NXPE3: variants seen among roughly 807,000 people sequenced by gnomAD.
The protein encoded by NXPE3 is NXPE family member 3.
Under a neutral mutation model 46.1 loss-of-function variants are expected in NXPE3, and 26 were observed. That is an observed-to-expected ratio of 0.56 (90% CI 0.41 to 0.78). The LOEUF is 0.78. NXPE3 is among the 30% of genes least tolerant of loss of function. NXPE3 has a pLI of 0.00. For missense variants in NXPE3, 620 were observed against 686.0 expected (o/e 0.90, Z 1.07); for synonymous variants, 272 against 257.9 (o/e 1.05, Z -0.52).
chr3:101,781,594 G>A (rs1469897167), intron 1 of NXPE3: 2 of 152,192 alleles, frequency 1.3e-5, no homozygotes, highest in Non-Finnish European at 2.9e-5. Flanking sequence ...CACATGTAAG[G>A]CAGAGCATGC....
At position 101,801,382 on chromosome 3, in the gene NXPE3, T is replaced by C. The variant is rs778919403; in HGVS notation, c.241T>C (p.Leu81=). The part of the protein sequence containing the change: ...SSQERMEEDS[L]LAALHRQVPD... ...CCAGGAGCGCATGGAGGAGGACTCC[T>C]TGCTGGCTGCCTTGCACCGGCAGGT... Residue 81 remains leucine (L), a synonymous_variant, in exon 5 of 8, where the codon TTG becomes CTG. Coordinates refer to ENST00000273347, the MANE Select transcript of NXPE3 (RefSeq NM_145037.4). 1 of 1,614,212 alleles carries C rather than the reference T, an allele frequency of 6.2e-7. No individual in the cohort carries two copies. The highest frequency in any genetic ancestry group is 8.5e-7 in the Non-Finnish European group (1 of 1,180,038).
chr3:101,790,732 A>G (rs765229103), intron 4 of NXPE3, among the ~76,000 whole-genome samples: 16 of 152,086 alleles, frequency 1.1e-4, no homozygotes, highest in Non-Finnish European at 2.1e-4. Context: ...AGCTGGGACA[A>G]CAGGTGTGCG....
chr3:101,817,613 C>T (rs1340760635), intron 7 of NXPE3, among the ~76,000 whole-genome samples: 3 of 152,128 alleles, frequency 2.0e-5, no homozygotes, highest in Non-Finnish European at 4.4e-5. Context: ...GGCTGTTCTC[C>T]AGACTCAGAA....
At chr3:101,816,744 C>T in intron 6 of NXPE3, 51 bp from the exon 7 acceptor site, 2 of 1,372,312 alleles carry the variant, frequency 1.5e-6, no homozygotes, top group Non-Finnish European at 2.0e-6. Context: ...CATTTTTCAT[C>T]TATTGTTGGA....
rs949459952 is a variant in NXPE3, at chr3:101,827,090, G to A, written c.*5136G>A. 3.9e-5 allele frequency: 6 copies of A among 152,166 alleles called. No homozygotes were observed. The highest frequency in any genetic ancestry group is 1.4e-4 in the African/African-American group (6 of 41,454). 9.4% of individuals were successfully genotyped at this position (152,166 alleles called of 1,614,324 possible). On this transcript the variant is annotated 3_prime_UTR_variant, in exon 8 of 8. Coordinates refer to ENST00000273347, the MANE Select transcript of NXPE3 (RefSeq NM_145037.4). ...AGTGTGAACTTAAATATATTTATATGTGTGTACATATATTTTCTTTTTTAA... is the reference window on the plus strand; with the variant it reads ...AGTGTGAACTTAAATATATTTATATATGTGTACATATATTTTCTTTTTTAA...
At chr3:101,818,737 A>G (rs1300213423) in intron 7 of NXPE3, among the ~76,000 whole-genome samples, 3 of 27,186 alleles carry the variant, frequency 1.1e-4, no homozygotes, top group Non-Finnish European at 1.4e-4. Flanking sequence ...ATATATATAT[A>G]TATATATATA....
Position 101,821,347 on chromosome 3 carries a change from C to T in NXPE3, c.1130-57C>T, listed in dbSNP as rs1053273398. ...TTGAAGCCACTTAATAAGGTATAAT[C>T]AAAATATATGTGCTTGGTTTGAAGG... is the stretch of plus-strand genomic sequence containing the variant. On this transcript the variant is annotated intron_variant, in intron 7 of 7. Transcript: ENST00000273347. 4 of 1,492,212 alleles carry T rather than the reference C, an allele frequency of 2.7e-6. No homozygotes were observed. In the African/African-American group the frequency reaches 5.6e-5, roughly 21 times the overall value. The allele number at this position is 1,492,212 out of a possible 1,614,324, so 92.4% of individuals were successfully genotyped here. A position where few individuals can be genotyped will look rare whatever the true frequency, so the allele number is the denominator to read the frequency against.
Position 101,785,496 on chromosome 3 carries a change from A to G in NXPE3, c.-101A>G. 1 of 997,614 alleles carries G rather than the reference A, an allele frequency of 1.0e-6. No individual in the cohort carries two copies. The highest frequency in any genetic ancestry group is 1.3e-5 in the South Asian group (1 of 75,860). 61.8% of individuals were successfully genotyped at this position (997,614 alleles called of 1,614,324 possible). A position where few individuals can be genotyped will look rare whatever the true frequency, so the allele number is the denominator to read the frequency against. The stretch of plus-strand genomic sequence containing the variant: ...GTACTAGCAGGATAGAAGCAAATGA[A>G]ACTGAAAGCTCATCTGCAGCTCAGA... On this transcript the variant is annotated 5_prime_UTR_variant, in exon 4 of 8. Transcript: ENST00000273347.
intron 5 of NXPE3, among the ~76,000 whole-genome samples, chr3:101,802,845 A>T (rs1941231530): frequency 1.3e-5 from 2 of 151,274 alleles, no homozygotes; most frequent in Non-Finnish European, 2.9e-5. Context: ...CCATAACATC[A>T]CTAAGAAATA....
At chr3:101,805,187 T>C (rs1222472751) in intron 5 of NXPE3, among the ~76,000 whole-genome samples, 1 of 152,216 alleles carries the variant, frequency 6.6e-6, no homozygotes, top group East Asian at 1.9e-4. Context: ...CATATAACCA[T>C]AATGATCACA....
rs752449633 is a variant in NXPE3, at chr3:101,821,447, C to G, written c.1173C>G (p.Pro391=). Residue 391 remains proline, a synonymous_variant, in exon 8 of 8, where the codon CCC becomes CCG. Transcript: ENST00000273347. ...FNLGSPKNVG[P]FLAVDQKHNI... is the part of the protein sequence containing the mutation. ...TGGGTAGTCCCAAGAATGTGGGTCC[C>G]TTCCTTGCAGTGGACCAGAAGCACA... is the stretch of plus-strand genomic sequence containing the variant. 3 of 1,614,062 alleles carry G rather than the reference C, an allele frequency of 1.9e-6. No homozygotes were observed. In the East Asian group the frequency reaches 6.7e-5, roughly 36 times the overall value.
intron 1 of NXPE3, among the ~76,000 whole-genome samples, chr3:101,780,205 G>A (rs1939730262): frequency 6.6e-6 from 1 of 152,158 alleles, no homozygotes; most frequent in Admixed American, 6.5e-5. Flanking sequence ...AGGACTCCCA[G>A]ACCCTGATAA....
In NXPE3 at chr3:101,801,758, A is replaced by G. The variant is rs1480357740; in HGVS notation, c.617A>G (p.Asp206Gly). The change falls in exon 5 of 8, where the codon GAC becomes GGC. Residue 206 changes from aspartate (D) to glycine (G), a missense_variant. Physicochemically the swap from Asp to Gly is moderately conservative, Grantham distance 94. Coordinates refer to ENST00000273347, the MANE Select transcript of NXPE3 (RefSeq NM_145037.4). ...VLQRLQEDKPDRVYFKSLFRS... is the reference protein window; with the variant it reads ...VLQRLQEDKPGRVYFKSLFRS... ...CAGCGCTTACAGGAAGATAAACCAG[A>G]CAGGGTCTATTTCAAGAGTCTCTTC... 1.9e-6 allele frequency: 3 copies of G among 1,614,206 alleles called. No homozygotes were observed. The highest frequency in any genetic ancestry group is 1.7e-6 in the Non-Finnish European group (2 of 1,180,028).
intron 4 of NXPE3, among the ~76,000 whole-genome samples, chr3:101,797,299 G>C (rs531485718): frequency 1.3e-5 from 2 of 152,246 alleles, no homozygotes; most frequent in South Asian, 4.1e-4. Context: ...TTGTTCATAT[G>C]AGGCAGTGTA....
At chr3:101,793,625 G>GTT (rs1306159680) in intron 4 of NXPE3, among the ~76,000 whole-genome samples, 2 of 33,296 alleles carry the variant, frequency 6.0e-5, no homozygotes, top group Non-Finnish European at 1.5e-4. Context: ...AATTGACAAG[G>GTT]TCTTTTTTTT....
chr3:101,807,573 C>T (rs970755374), intron 6 of NXPE3, among the ~76,000 whole-genome samples: 1 of 152,024 alleles, frequency 6.6e-6, no homozygotes, highest in African/African-American at 2.4e-5. Flanking sequence ...ATCCTCCCAC[C>T]TTGGCCTCCC....
chr3:101,804,737 G>T (rs1012315229), intron 5 of NXPE3, among the ~76,000 whole-genome samples: 2 of 152,006 alleles, frequency 1.3e-5, no homozygotes, highest in African/African-American at 4.8e-5. Flanking sequence ...CTTGGTATTT[G>T]GTTCCCTAAA....
intron 3 of NXPE3, among the ~76,000 whole-genome samples, chr3:101,784,789 A>G (rs1361428684): frequency 6.6e-6 from 1 of 152,184 alleles, no homozygotes; most frequent in Non-Finnish European, 1.5e-5. Flanking sequence ...CCTCTCCCAC[A>G]TCTTCCAGGC....
rs755318391 is a variant in NXPE3, at chr3:101,785,700, A to G, written c.93+11A>G. The G allele has an allele frequency of 2.5e-6, 4 of 1,604,440 alleles. No homozygotes were observed. The highest frequency in any genetic ancestry group is 3.4e-6 in the Non-Finnish European group (4 of 1,171,288). On this transcript the variant is annotated intron_variant, in intron 4 of 7. Transcript: ENST00000273347. ...GTTACTCAGGTAGAGGTGAGTACCCAGTATAATCCCTCATAACTAAGGGAG... is the reference window on the plus strand; with the variant it reads ...GTTACTCAGGTAGAGGTGAGTACCCGGTATAATCCCTCATAACTAAGGGAG...
Sources: allele counts gnomAD v4.1 joint callset (sites outside exome capture counted in the v4.1 genomes callset), GRCh38; gene constraint gnomAD v4.1.1; transcripts MANE v1.5; gene names NCBI Gene and HGNC (gene_info 2026-07-23, HGNC 2026-07-21).